SLTM: variants seen among roughly 807,000 people sequenced by gnomAD.
SLTM encodes SAFB-like transcription modulator.
A neutral mutation model predicts 134.6 loss-of-function variants in SLTM; 43 were observed. The ratio of observed to expected loss-of-function variants is 0.32; its 90% CI spans 0.25 to 0.41. The LOEUF (loss-of-function observed/expected upper bound fraction) is 0.41. Among genes scored for constraint, SLTM ranks in the 10% least tolerant of loss-of-function variants. The pLI is 1.00. For missense variants in SLTM, 1,055 were observed against 1,288.8 expected (o/e 0.82, Z 2.78); for synonymous variants, 424 against 432.3 (o/e 0.98, Z 0.24).
intron 3 of SLTM, 31 bp from the exon 4 acceptor site, chr15:58,913,727 A>G (rs1404982533): frequency 6.3e-7 from 1 of 1,588,412 alleles, no homozygotes; most frequent in Non-Finnish European, 8.6e-7. Context: ...TGGTACAACT[A>G]GAGGCAAAGT....
chr15:58,909,593 T>G (rs1347616632), intron 5 of SLTM, among the ~76,000 whole-genome samples: 1 of 152,196 alleles, frequency 6.6e-6, no homozygotes, highest in African/African-American at 2.4e-5. Context: ...GTATGAATCA[T>G]CAATGACTGG....
chr15:58,890,205 A>G, intron 15 of SLTM, 76 bp downstream of exon 15: 3 of 1,543,520 alleles, frequency 1.9e-6, no homozygotes, highest in Non-Finnish European at 2.6e-6. Flanking sequence ...ACAACAAGTA[A>G]AGCAAGTTTT....
At chr15:58,884,707 T>C (rs2034039903) in intron 19 of SLTM, among the ~76,000 whole-genome samples, 1 of 151,992 alleles carries the variant, frequency 6.6e-6, no homozygotes, top group South Asian at 2.1e-4. Flanking sequence ...CGTAACTCAC[T>C]GCAACTTTGA....
chr15:58,932,728 T>C (rs1595968355), intron 1 of SLTM, among the ~76,000 whole-genome samples: 2 of 152,352 alleles, frequency 1.3e-5, no homozygotes. Flanking sequence ...ATATGTTCTA[T>C]TGCAGAAAAG....
At chr15:58,910,244 T>C (rs1417153846) in intron 5 of SLTM, among the ~76,000 whole-genome samples, 3 of 152,210 alleles carry the variant, frequency 2.0e-5, no homozygotes, top group Non-Finnish European at 4.4e-5. Context: ...GGCCATTATT[T>C]GAAAACAGCT....
chr15:58,910,206 A>T (rs953204), intron 5 of SLTM, among the ~76,000 whole-genome samples: 10,892 of 152,282 alleles, frequency 0.072, 590 homozygotes, highest in East Asian at 0.25. Flanking sequence ...GGGAGAAAGT[A>T]AACAGAGGCA....
intron 17 of SLTM, 120 bp downstream of exon 17, chr15:58,888,265 C>A: frequency 2.6e-6 from 2 of 768,590 alleles, no homozygotes; most frequent in Non-Finnish European, 4.0e-6. Flanking sequence ...AAACAAAAAC[C>A]ACGTAAATTG....
intron 5 of SLTM, among the ~76,000 whole-genome samples, chr15:58,906,945 C>A (rs2035905393): frequency 6.6e-6 from 1 of 152,186 alleles, no homozygotes; most frequent in Non-Finnish European, 1.5e-5. Flanking sequence ...TCAGACTAGG[C>A]ATCATCACAC....
rs149218677 is a variant in SLTM at position 58,899,525 on chromosome 15, T to C, written c.1002A>G (p.Glu334=). 88 of 1,614,166 alleles carry C rather than the reference T, an allele frequency of 5.5e-5. No individual in the cohort carries two copies. In the African/African-American group the frequency reaches 1.0e-3, roughly 19 times the overall value. Residue 334 remains glutamate (E), a synonymous_variant, in exon 7 of 21, where the codon GAA becomes GAG. Coordinates refer to ENST00000380516, the MANE Select transcript of SLTM (RefSeq NM_024755.4). This position sits in a 1 kb window ranked among gnomAD's most constrained non-coding sequence, Gnocchi z 5.0. ...SSKKAESGDK[E]KDTLKKGPSS... is the part of the protein sequence containing the mutation. Reference sequence around the variant, plus strand: ...AGGGCCCTTTCTTCAAAGTATCCTTTTCTTTGTCTCCAGATTCTGCTTTCT... The same window carrying C: ...AGGGCCCTTTCTTCAAAGTATCCTTCTCTTTGTCTCCAGATTCTGCTTTCT...
intron 2 of SLTM, 67 bp from the exon 3 acceptor site, chr15:58,917,066 G>C: frequency 6.8e-7 from 1 of 1,465,942 alleles, no homozygotes; most frequent in Non-Finnish European, 9.5e-7. Context: ...AATATTCAGA[G>C]TTTACCCTGC....
At chr15:58,884,751 C>G (rs1314074222) in intron 19 of SLTM, among the ~76,000 whole-genome samples, 1 of 152,068 alleles carries the variant, frequency 6.6e-6, no homozygotes, top group South Asian at 2.1e-4. Flanking sequence ...CCTGCTTCAG[C>G]CTCCTGCCTA....
intron 5 of SLTM, among the ~76,000 whole-genome samples, chr15:58,903,106 T>C (rs2035607162): frequency 6.6e-6 from 1 of 151,886 alleles, no homozygotes; most frequent in Admixed American, 6.6e-5. Flanking sequence ...TTCACCATGT[T>C]AGCCAAGACA....
chr15:58,930,281 A>ATTT (rs34150533), intron 2 of SLTM, among the ~76,000 whole-genome samples: 2 of 117,648 alleles, frequency 1.7e-5, no homozygotes, highest in African/African-American at 3.3e-5. Context: ...ATGCCCAGCT[A>ATTT]TTTTTTTTTT....
chr15:58,929,073 G>A (rs2037681218), intron 2 of SLTM, among the ~76,000 whole-genome samples: 1 of 152,202 alleles, frequency 6.6e-6, no homozygotes, highest in Non-Finnish European at 1.5e-5. Flanking sequence ...TGAAGGAAAA[G>A]TGGCATAACC....
chr15:58,897,240 T>C lies in SLTM; in HGVS notation c.1109-7A>G, dbSNP rs1487750281. The C allele has an allele frequency of 6.9e-7, 1 of 1,440,204 alleles. No homozygotes were observed. Among genetic ancestry groups the C allele is most frequent in the East Asian group, 2.3e-5 (1 of 43,876 alleles). The allele number at this position is 1,440,204 out of a possible 1,614,324, so 89.2% of individuals were successfully genotyped here. On this transcript the variant is annotated splice_region_variant and splice_polypyrimidine_tract_variant and intron_variant, in intron 8 of 20. Transcript: ENST00000380516. ...CTAGTACTACTTGTACTTCCTAGAATAGATTTAATATCAGATGTTTAAGTA... is the reference window on the plus strand; with the variant it reads ...CTAGTACTACTTGTACTTCCTAGAACAGATTTAATATCAGATGTTTAAGTA...
chr15:58,907,619 TCAA>T (rs71812823), intron 5 of SLTM, among the ~76,000 whole-genome samples: 1,802 of 151,682 alleles, frequency 0.012, 19 homozygotes, highest in African/African-American at 0.029. Flanking sequence ...AGACCAGGTC[TCAA>T]CAACAACAAC....
intron 2 of SLTM, among the ~76,000 whole-genome samples, chr15:58,926,941 G>A (rs894222948): frequency 6.6e-6 from 1 of 152,032 alleles, no homozygotes; most frequent in Non-Finnish European, 1.5e-5. Flanking sequence ...TGCGATAAAA[G>A]GGCTAATTTT....
chr15:58,907,129 A>G (rs1275566581), intron 5 of SLTM, among the ~76,000 whole-genome samples: 1 of 151,136 alleles, frequency 6.6e-6, no homozygotes, highest in Non-Finnish European at 1.5e-5. Flanking sequence ...GCACTACATA[A>G]AAGAGAGAGA....
chr15:58,883,717 G>C lies in SLTM; in HGVS notation c.2905C>G (p.His969Asp). ...CTAGGCCCTTGAGAGGGTGGACCAT[G>C]CCACTCTTTCCTTGGTCCGCTTGTG... is the stretch of plus-strand genomic sequence containing the variant. Reference protein sequence around the residue: ...RDTSGPRKEWHGPPSQGPSYH... With the variant: ...RDTSGPRKEWDGPPSQGPSYH... The change falls in exon 20 of 21, where the codon CAT becomes GAT. Residue 969 changes from histidine (H) to aspartate (D), a missense_variant. Transcript: ENST00000380516. The C allele has an allele frequency of 6.2e-7, 1 of 1,614,082 alleles. No individual in the cohort carries two copies. The highest frequency in any genetic ancestry group is 1.7e-4 in the Middle Eastern group (1 of 6,058).
Sources: gnomAD v4.1 joint callset for allele counts (sites outside exome capture counted in the v4.1 genomes callset) on GRCh38, gnomAD v4.1.1 for gene constraint, Gnocchi (gnomAD v3.1) non-coding constraint, MANE v1.5 for transcripts, NCBI Gene and HGNC (gene_info 2026-07-23, HGNC 2026-07-21) for gene names.